Variants in NFATC2 observed in about 807,000 individuals in gnomAD.
NFATC2 encodes the protein nuclear factor of activated T cells 2.
In NFATC2, 22 loss-of-function variants were observed where a neutral mutation model predicts 87.3. The observed-to-expected ratio is 0.25, with a 90% confidence interval of 0.18 to 0.36. The LOEUF (loss-of-function observed/expected upper bound fraction) is 0.36. Ranked by LOEUF, NFATC2 falls within the 10% of genes least tolerant of loss-of-function variation. The probability of loss-of-function intolerance (pLI) is 1.00; values close to 1 mark genes in which losing one functional copy is unlikely to be tolerated. For missense variants in NFATC2, 1,149 were observed against 1,259.1 expected, an observed-to-expected ratio of 0.91 and a Z score of 1.32; for synonymous variants, 565 against 542.2, an observed-to-expected ratio of 1.04 and a Z score of -0.58.
intron 1 of NFATC2, among the ~76,000 whole-genome samples, chr20:51,529,126 G>C (rs1271249692): frequency 6.6e-6 from 1 of 152,110 alleles, no homozygotes. Context: ...CTTCGAACCA[G>C]AAAAACAAAA....
intron 5 of NFATC2, among the ~76,000 whole-genome samples, chr20:51,469,804 G>C: frequency 6.6e-6 from 1 of 152,268 alleles, no homozygotes; most frequent in East Asian, 1.9e-4. Flanking sequence ...GGATGGCACC[G>C]GCGGTTTCTC....
At chr20:51,491,481 C>T (rs1163501068) in intron 3 of NFATC2, among the ~76,000 whole-genome samples, 1 of 152,168 alleles carries the variant, frequency 6.6e-6, no homozygotes, top group Non-Finnish European at 1.5e-5. Flanking sequence ...AGAAAGCTTG[C>T]TTTGCAGTGT....
At chr20:51,418,152 T>C (rs1310310533) in intron 9 of NFATC2, among the ~76,000 whole-genome samples, 1 of 152,142 alleles carries the variant, frequency 6.6e-6, no homozygotes, top group East Asian at 1.9e-4. Flanking sequence ...CTTCCCACAC[T>C]CAGAGAGTGC....
chr20:51,497,017 G>A (rs1386577156), intron 3 of NFATC2, among the ~76,000 whole-genome samples: 2 of 152,206 alleles, frequency 1.3e-5, no homozygotes, highest in Non-Finnish European at 2.9e-5. Context: ...CAGCTTAATG[G>A]GGTTCTGCAG....
In NFATC2 at chr20:51,387,858, C is replaced by CTTTTTTT. The variant is rs10636594; in HGVS notation, c.*3631_*3637dup. 3.2e-5 allele frequency: 4 copies of CTTTTTTT among 124,792 alleles called. No homozygotes were observed. Among genetic ancestry groups the CTTTTTTT allele is most frequent in the African/African-American group, 5.8e-5 (2 of 34,390 alleles). The allele number at this position is 124,792 out of a possible 1,614,324, so 7.7% of individuals were successfully genotyped here. A position where few individuals can be genotyped will look rare whatever the true frequency, so the allele number is the denominator to read the frequency against. Reference sequence around the variant, plus strand: ...AGCAATAGAAAGCACTTGGAAAGGTCTTTTTTTTTTTTTTTTTTTGACATG... The same window carrying CTTTTTTT: ...AGCAATAGAAAGCACTTGGAAAGGTCTTTTTTTTTTTTTTTTTTTTTTTTTTGACATG... On this transcript the variant is annotated 3_prime_UTR_variant, in exon 11 of 11. Coordinates refer to ENST00000371564, the MANE Select transcript of NFATC2 (RefSeq NM_012340.5).
intron 9 of NFATC2, among the ~76,000 whole-genome samples, chr20:51,425,652 G>A (rs1981696289): frequency 6.6e-6 from 1 of 152,250 alleles, no homozygotes; most frequent in South Asian, 2.1e-4. Flanking sequence ...CGTGGGCACT[G>A]AGGGGCCCTA....
chr20:51,513,043 C>G (rs2076296484), intron 3 of NFATC2, among the ~76,000 whole-genome samples: 1 of 152,064 alleles, frequency 6.6e-6, no homozygotes, highest in African/African-American at 2.4e-5. Flanking sequence ...AAACTGACTT[C>G]CCATGCTAAA....
chr20:51,399,544 G>A (rs6096406), intron 9 of NFATC2, among the ~76,000 whole-genome samples: 1 of 152,170 alleles, frequency 6.6e-6, no homozygotes, highest in African/African-American at 2.4e-5. Flanking sequence ...TCATCTTCAA[G>A]GGAGACAGAA....
chr20:51,434,394 G>A (rs1032033931), intron 8 of NFATC2, among the ~76,000 whole-genome samples: 2 of 152,076 alleles, frequency 1.3e-5, no homozygotes, highest in African/African-American at 2.4e-5. Context: ...GCTAGCAGGC[G>A]TTTCTCAGCC....
At chr20:51,427,817 C>A (rs906399420) in intron 9 of NFATC2, among the ~76,000 whole-genome samples, 8 of 152,338 alleles carry the variant, frequency 5.3e-5, no homozygotes, top group Admixed American at 2.0e-4. Flanking sequence ...CCAAACCAGG[C>A]AGCCACCCTC....
intron 9 of NFATC2, among the ~76,000 whole-genome samples, chr20:51,411,117 G>T (rs1435755818): frequency 6.6e-6 from 1 of 152,168 alleles, no homozygotes; most frequent in Admixed American, 6.5e-5. Context: ...GACCCATGAG[G>T]TAAGTGTTAT....
intron 9 of NFATC2, among the ~76,000 whole-genome samples, chr20:51,430,398 A>G (rs1267522401): frequency 6.6e-6 from 1 of 152,244 alleles, no homozygotes; most frequent in Non-Finnish European, 1.5e-5. Context: ...CCAAAACCTT[A>G]TCTTCACCAT....
At position 51,411,889 on chromosome 20, in the gene NFATC2, T is replaced by C. The variant is rs200161717; in HGVS notation, c.2723-13159A>G. ...CACAGTAGGCACTCTGCAGATGTGT[T>C]GAGTAGAACTGACCAAAGTGCAAGA... On this transcript the variant is annotated intron_variant, in intron 9 of 10. Transcript: ENST00000371564. Among the ~76,000 whole-genome samples the C allele has an allele frequency of 2.6e-5, 4 of 152,252 alleles. No individual in the cohort carries two copies. The East Asian group carries it at 7.7e-4, about 29-fold the overall frequency.
intron 5 of NFATC2, among the ~76,000 whole-genome samples, chr20:51,470,838 A>C (rs893626101): frequency 6.6e-6 from 1 of 152,236 alleles, no homozygotes; most frequent in Non-Finnish European, 1.5e-5. Context: ...AGAACAAAGA[A>C]GTAAATAAAA....
intron 1 of NFATC2, among the ~76,000 whole-genome samples, chr20:51,540,662 T>TTTTTTTTG (rs2076799294): frequency 7.0e-6 from 1 of 143,224 alleles, no homozygotes; most frequent in African/African-American, 2.8e-5. Flanking sequence ...TTTTTTGTTT[T>TTTTTTTTG]TTTTTTTTTG....
chr20:51,432,068 A>G lies in NFATC2; in HGVS notation c.2721T>C (p.Asp907=), dbSNP rs1982793300. The G allele has an allele frequency of 4.6e-6, 7 of 1,519,548 alleles. No individual in the cohort carries two copies. The highest frequency in any genetic ancestry group is 6.2e-6 in the Non-Finnish European group (7 of 1,132,106). 94.1% of individuals were successfully genotyped at this position (1,519,548 alleles called of 1,614,324 possible). A position where few individuals can be genotyped will look rare whatever the true frequency, so the allele number is the denominator to read the frequency against. The change falls in exon 9 of 11, where the codon GAT becomes GAC. Residue 907 remains aspartate, a splice_region_variant and synonymous_variant. Coordinates refer to ENST00000371564, the MANE Select transcript of NFATC2 (RefSeq NM_012340.5). This position sits in a 1 kb window ranked among gnomAD's most constrained non-coding sequence, Gnocchi z 4.6. Reference sequence around the variant, plus strand: ...AGTGACAAAACTCAAGCGTCTTACCATCATCCAAGTAGGTCTGGTCCAAGT... The same window carrying G: ...AGTGACAAAACTCAAGCGTCTTACCGTCATCCAAGTAGGTCTGGTCCAAGT... ...EQNLDQTYLD[D]ELIDTHLSWI...
At chr20:51,539,370 T>A (rs1009518950) in intron 1 of NFATC2, among the ~76,000 whole-genome samples, 1 of 152,136 alleles carries the variant, frequency 6.6e-6, no homozygotes, top group Non-Finnish European at 1.5e-5. Flanking sequence ...AGTCCCACCA[T>A]ACAGAAGCAA....
Position 51,553,386 on chromosome 20 carries a change from G to A in NFATC2, c.70+9174C>T, listed in dbSNP as rs376307623. ...CTTGGGTAAAAACGTTTAGAAGGAG[G>A]GCAGGCGTGCTGGGCGCGGTGGCTC... is the stretch of plus-strand genomic sequence containing the variant. On this transcript the variant is annotated intron_variant, in intron 1 of 10. Transcript: ENST00000414705. Among the ~76,000 whole-genome samples the A allele has an allele frequency of 9.8e-4, 149 of 152,276 alleles. 1 individual carries two copies. The highest frequency in any genetic ancestry group is 3.1e-3 in the African/African-American group (130 of 41,552).
intron 1 of NFATC2, among the ~76,000 whole-genome samples, chr20:51,533,687 C>T (rs1431590296): frequency 3.9e-5 from 6 of 152,220 alleles, no homozygotes; most frequent in Admixed American, 2.6e-4. Context: ...CTCAGTGGTG[C>T]CTTCCAGGCA....
Sources: allele counts gnomAD v4.1 joint callset (sites outside exome capture counted in the v4.1 genomes callset), GRCh38; gene constraint gnomAD v4.1.1; non-coding constraint Gnocchi (gnomAD v3.1); transcripts MANE v1.5; gene names NCBI Gene and HGNC (gene_info 2026-07-23, HGNC 2026-07-21).